USP53: variants seen among roughly 807,000 people sequenced by gnomAD.
The protein encoded by USP53 is ubiquitin specific peptidase 53.
A neutral mutation model predicts 94.9 loss-of-function variants in USP53; 71 were observed. That is an observed-to-expected ratio of 0.75 (90% CI 0.62 to 0.91). USP53 has a LOEUF of 0.91. USP53 is among the 40% of genes least tolerant of loss of function. The probability of loss-of-function intolerance (pLI) is 0.00; values close to 1 mark genes in which losing one functional copy is unlikely to be tolerated. For synonymous variants in USP53, 375 were observed against 422.7 expected, an observed-to-expected ratio of 0.89 and a Z score of 1.39; for missense variants, 1,173 against 1,281.0, an observed-to-expected ratio of 0.92 and a Z score of 1.29.
chr4:119,218,164 A>C (rs1469083819), intron 3 of USP53: 1 of 152,198 alleles, frequency 6.6e-6, no homozygotes, highest in African/African-American at 2.4e-5. Context: ...GTCAAAGATG[A>C]CATCAAGATA....
At chr4:119,261,583 T>C in intron 11 of USP53, 132 bp from the exon 12 acceptor site, 1 of 601,578 alleles carries the variant, frequency 1.7e-6, no homozygotes, top group Non-Finnish European at 2.6e-6. Context: ...CTTCAAGTAA[T>C]AATATAATAT....
rs1247652486 is a variant in USP53 at position 119,289,180 on chromosome 4, CAT to C, written c.2252-1981_2252-1980del. On this transcript the variant is annotated intron_variant, in intron 17 of 18. Transcript: ENST00000692078. The stretch of plus-strand genomic sequence containing the variant: ...GCTTTATGCATATTTCCCATTTCCT[CAT>C]ATAGAATAACAAAAAGATGTGCAAA... 3.3e-5 allele frequency among the ~76,000 whole-genome samples: 5 copies of C among 152,152 alleles called. No individual in the cohort carries two copies. In the East Asian group the frequency reaches 9.7e-4, roughly 29 times the overall value.
rs1207663284 is a variant in USP53, at chr4:119,293,267, TG to T, written c.*57del. 9.9e-6 allele frequency: 15 copies of T among 1,511,314 alleles called. No individual in the cohort carries two copies. 93.6% of individuals were successfully genotyped at this position (1,511,314 alleles called of 1,614,324 possible). On this transcript the variant is annotated 3_prime_UTR_variant, in exon 19 of 19. Coordinates refer to ENST00000692078, the MANE Select transcript of USP53 (RefSeq NM_001371395.1). ...ATAATCTTGGTTCAAGCTGCCCTTC[TG>T]AACAAAGATATAAACCTAGCATACA... is the stretch of plus-strand genomic sequence containing the variant.
intron 1 of USP53, among the ~76,000 whole-genome samples, chr4:119,213,660 A>ATATATATATGTGTGTG: frequency 5.9e-5 from 7 of 117,772 alleles, no homozygotes; most frequent in East Asian, 2.2e-4. Context: ...ATATATATAT[A>ATATATATATGTGTGTG]TGTGTGTGTG....
At chr4:119,273,419 G>C (rs1389342988) in intron 16 of USP53, 2 of 411,418 alleles carry the variant, frequency 4.9e-6, no homozygotes, top group Non-Finnish European at 4.5e-6. Flanking sequence ...GATAGACTTA[G>C]ATTTTAATTA....
intron 3 of USP53, among the ~76,000 whole-genome samples, chr4:119,223,159 C>G (rs1173325294): frequency 1.3e-5 from 2 of 152,106 alleles, no homozygotes; most frequent in Non-Finnish European, 2.9e-5. Context: ...AGTTAAGGTG[C>G]CCAATTAAAG....
chr4:119,267,429 C>T lies in USP53; in HGVS notation c.1082C>T (p.Ala361Val), dbSNP rs201355187. ...PDGTAVSTED[A>V]LRQVISWSHY... ...GGCACAGCAGTTTCTACTGAGGATG[C>T]ACTCAGGCAGGTCATCAGCTGGTCA... is the stretch of plus-strand genomic sequence containing the variant. The change falls in exon 13 of 19, where the codon GCA becomes GTA. Residue 361 changes from alanine (A) to valine (V), a missense_variant. Physicochemically the swap from Ala to Val is moderately conservative, Grantham distance 64. Transcript: ENST00000692078. The T allele has an allele frequency of 5.0e-6, 8 of 1,613,930 alleles. No individual in the cohort carries two copies. The highest frequency in any genetic ancestry group is 1.6e-4 in the Middle Eastern group (1 of 6,082).
intron 12 of USP53, among the ~76,000 whole-genome samples, chr4:119,266,112 G>A (rs747112090): frequency 6.6e-6 from 1 of 152,050 alleles, no homozygotes; most frequent in Non-Finnish European, 1.5e-5. Context: ...TTATATAAAT[G>A]GTCTCTTACA....
chr4:119,237,245 A>G (rs79537802), intron 4 of USP53, among the ~76,000 whole-genome samples: 7,351 of 152,262 alleles, frequency 0.048, 242 homozygotes, highest in Middle Eastern at 0.088. Context: ...TTCCATTTGT[A>G]GAATACAGTC....
chr4:119,213,641 G>GATAGAT (rs1553961988), intron 1 of USP53, among the ~76,000 whole-genome samples: 3 of 108,114 alleles, frequency 2.8e-5, no homozygotes, highest in African/African-American at 4.2e-5. Flanking sequence ...TCTGGAAATA[G>GATAGAT]ATATATATAT....
chr4:119,231,487 C>T (rs1347182098), intron 3 of USP53, among the ~76,000 whole-genome samples: 1 of 152,054 alleles, frequency 6.6e-6, no homozygotes, highest in Admixed American at 6.6e-5. Context: ...CTTTTATCCT[C>T]ACCAACAGTA....
chr4:119,214,746 A>G (rs34478210), intron 2 of USP53, among the ~76,000 whole-genome samples: 14,827 of 152,108 alleles, frequency 0.097, 869 homozygotes, highest in Non-Finnish European at 0.13. Context: ...CTTTGGTACC[A>G]TATGGTTTAC....
intron 3 of USP53, among the ~76,000 whole-genome samples, chr4:119,226,649 A>C (rs1745294000): frequency 6.6e-6 from 1 of 152,196 alleles, no homozygotes; most frequent in South Asian, 2.1e-4. Flanking sequence ...CCTAGATTGG[A>C]GGTCTCAATA....
At chr4:119,229,134 T>C (rs1428445956) in intron 3 of USP53, among the ~76,000 whole-genome samples, 1 of 152,178 alleles carries the variant, frequency 6.6e-6, no homozygotes, top group African/African-American at 2.4e-5. Context: ...ACAATAGCAA[T>C]TGCGTGCAAC....
chr4:119,277,667 G>C (rs1202762665), intron 17 of USP53, among the ~76,000 whole-genome samples: 4 of 147,102 alleles, frequency 2.7e-5, no homozygotes, highest in Non-Finnish European at 6.0e-5. Context: ...TTGACTTTCT[G>C]TCTCGTTGAT....
chr4:119,225,739 A>T (rs925403084), intron 3 of USP53, among the ~76,000 whole-genome samples: 1 of 152,210 alleles, frequency 6.6e-6, no homozygotes, highest in African/African-American at 2.4e-5. Flanking sequence ...ACACTGTCTC[A>T]AAAACAAAAA....
chr4:119,222,359 G>A (rs1744661508), intron 3 of USP53, among the ~76,000 whole-genome samples: 1 of 152,000 alleles, frequency 6.6e-6, no homozygotes, highest in Non-Finnish European at 1.5e-5. Flanking sequence ...ATACATTACT[G>A]TTTAGTCACT....
At chr4:119,267,251 C>A in intron 12 of USP53, 69 bp from the exon 13 acceptor site, 3 of 1,466,192 alleles carry the variant, frequency 2.0e-6, no homozygotes, top group South Asian at 2.7e-5. Flanking sequence ...AACTCAGAGT[C>A]TGTCTTTTCA....
At chr4:119,292,216 G>T in intron 18 of USP53, 122 bp from the exon 19 acceptor site, 1 of 1,115,688 alleles carries the variant, frequency 9.0e-7, no homozygotes. Context: ...TTGTGGTTTT[G>T]TTGTAAAAAT....
Sources: gnomAD v4.1 joint callset for allele counts (sites outside exome capture counted in the v4.1 genomes callset) on GRCh38, gnomAD v4.1.1 for gene constraint, MANE v1.5 for transcripts, NCBI Gene and HGNC (gene_info 2026-07-23, HGNC 2026-07-21) for gene names.